The following DIAPH3 variants were observed in gnomAD, a reference collection of about 807,000 sequenced individuals.
DIAPH3 encodes diaphanous related formin 3, also known as protein diaphanous homolog 3.
A neutral mutation model predicts 144.3 loss-of-function variants in DIAPH3; 117 were observed. That is an observed-to-expected ratio of 0.81 (90% confidence interval 0.70 to 0.95). The LOEUF is 0.95. Ranked by LOEUF, DIAPH3 falls within the 40% of genes least tolerant of loss-of-function variation. The pLI, the probability that DIAPH3 is intolerant of heterozygous loss-of-function variation, is 0.00. For missense variants in DIAPH3, 1,421 were observed against 1,412.7 expected (o/e 1.01, Z -0.09); for synonymous variants, 519 against 488.9 (o/e 1.06, Z -0.81).
chr13:60,003,583 A>G (rs866174548), intron 9 of DIAPH3, among the ~76,000 whole-genome samples: 1 of 150,786 alleles, frequency 6.6e-6, no homozygotes, highest in African/African-American at 2.4e-5. Flanking sequence ...ATATATATAT[A>G]TTTTTTATGA....
Position 60,015,951 on chromosome 13 carries a change from T to A in DIAPH3, c.733A>T (p.Lys245Ter). 6.2e-7 allele frequency: 1 copy of A among 1,613,520 alleles called. No homozygotes were observed. Among genetic ancestry groups the A allele is most frequent in the Non-Finnish European group, 8.5e-7 (1 of 1,179,814 alleles). The change falls in exon 7 of 28, where the codon AAA becomes TAA. Residue 245 changes from lysine to a stop codon, truncating the protein, a stop_gained. Coordinates refer to ENST00000400324, the MANE Select transcript of DIAPH3 (RefSeq NM_001042517.2). LOFTEE classifies it high-confidence loss of function. ...QEKVVKKNQH[K>*]VIQCLKALMN... is the part of the protein sequence containing the mutation. ...AGGGCTTTTAGACACTGTATGACTT[T>A]ATGTTGATTTTTCTTTACAACTTTT...
intron 25 of DIAPH3, among the ~76,000 whole-genome samples, chr13:59,782,632 A>T (rs2038798265): frequency 6.6e-6 from 1 of 152,224 alleles, no homozygotes; most frequent in Non-Finnish European, 1.5e-5. Context: ...TCTTGACCTA[A>T]AGATGCTTAC....
intron 20 of DIAPH3, among the ~76,000 whole-genome samples, chr13:59,894,115 C>G (rs1029615064): frequency 1.3e-5 from 2 of 152,020 alleles, no homozygotes; most frequent in African/African-American, 2.4e-5. Flanking sequence ...GATCAAATCA[C>G]TGTGATACAT....
chr13:59,797,898 T>G (rs1013675006), intron 25 of DIAPH3, among the ~76,000 whole-genome samples: 3 of 152,222 alleles, frequency 2.0e-5, no homozygotes, highest in Non-Finnish European at 4.4e-5. Context: ...GTTTTTATTT[T>G]CCTCTATGAA....
chr13:59,799,404 C>T (rs2039786257), intron 25 of DIAPH3, among the ~76,000 whole-genome samples: 1 of 151,836 alleles, frequency 6.6e-6, no homozygotes, highest in Non-Finnish European at 1.5e-5. Flanking sequence ...CACACACACA[C>T]ACACACACAC....
chr13:60,108,606 G>GA (rs1370031265), intron 3 of DIAPH3, among the ~76,000 whole-genome samples: 2 of 149,134 alleles, frequency 1.3e-5, no homozygotes, highest in Non-Finnish European at 3.0e-5. Flanking sequence ...ACTCCGTCTC[G>GA]AAAAAAAAAT....
intron 21 of DIAPH3, among the ~76,000 whole-genome samples, chr13:59,878,753 T>C (rs1049373526): frequency 2.0e-5 from 3 of 152,276 alleles, no homozygotes; most frequent in African/African-American, 7.2e-5. Context: ...GTTGCATATA[T>C]TTCCAATATA....
chr13:60,112,619 G>C (rs189560941), intron 2 of DIAPH3, among the ~76,000 whole-genome samples: 4 of 152,248 alleles, frequency 2.6e-5, no homozygotes, highest in East Asian at 1.9e-4. Flanking sequence ...CTCTCGGAGT[G>C]GGGGTGGGAG....
intron 19 of DIAPH3, among the ~76,000 whole-genome samples, chr13:59,914,220 T>C (rs142077273): frequency 0.011 from 1,660 of 152,192 alleles, 15 homozygotes; most frequent in Middle Eastern, 0.017. Context: ...ACCAAAATCA[T>C]GATTATTACA....
chr13:60,061,212 C>T (rs985352116), intron 4 of DIAPH3, among the ~76,000 whole-genome samples: 2 of 151,994 alleles, frequency 1.3e-5, no homozygotes, highest in Admixed American at 1.3e-4. Flanking sequence ...GGTGGAAGAG[C>T]TGGTGTGTTT....
At chr13:60,107,850 A>C (rs1007199029) in intron 3 of DIAPH3, among the ~76,000 whole-genome samples, 2 of 152,202 alleles carry the variant, frequency 1.3e-5, no homozygotes, top group African/African-American at 4.8e-5. Context: ...TTTTGGTATC[A>C]TTGGAACTCA....
At chr13:59,672,357 G>A (rs1034219319) in intron 27 of DIAPH3, among the ~76,000 whole-genome samples, 11 of 152,218 alleles carry the variant, frequency 7.2e-5, no homozygotes, top group African/African-American at 2.2e-4. Context: ...ATGGTGAGTT[G>A]TGGCAGCCTT....
At chr13:60,159,831 C>T (rs555993491) in intron 1 of DIAPH3, among the ~76,000 whole-genome samples, 8 of 152,218 alleles carry the variant, frequency 5.3e-5, no homozygotes, top group South Asian at 2.1e-4. Context: ...ATAATTACAA[C>T]GCACCTAGAA....
intron 4 of DIAPH3, among the ~76,000 whole-genome samples, chr13:60,071,491 T>G (rs548061667): frequency 6.6e-6 from 1 of 152,334 alleles, no homozygotes; most frequent in Admixed American, 6.5e-5. Context: ...AAACAGAATT[T>G]AAGAACCATT....
At chr13:59,822,718 G>A (rs1039845121) in intron 24 of DIAPH3, among the ~76,000 whole-genome samples, 5 of 152,090 alleles carry the variant, frequency 3.3e-5, no homozygotes, top group Non-Finnish European at 7.3e-5. Flanking sequence ...TGGGATTACA[G>A]GCCTGAGCCA....
intron 20 of DIAPH3, among the ~76,000 whole-genome samples, chr13:59,892,132 C>A (rs1335621317): frequency 1.3e-5 from 2 of 151,706 alleles, no homozygotes; most frequent in Admixed American, 6.6e-5. Context: ...CAAATCAGAT[C>A]ATTTTAAACA....
intron 17 of DIAPH3, among the ~76,000 whole-genome samples, chr13:59,927,098 T>G (rs1024065693): frequency 1.3e-5 from 2 of 152,106 alleles, no homozygotes; most frequent in Non-Finnish European, 2.9e-5. Context: ...TTTATCTCTT[T>G]TTGACAAAGT....
intron 4 of DIAPH3, among the ~76,000 whole-genome samples, chr13:60,087,826 T>C (rs2057799400): frequency 6.6e-6 from 1 of 151,844 alleles, no homozygotes; most frequent in African/African-American, 2.4e-5. Context: ...GAATGGATGT[T>C]CTAATTAAGA....
intron 17 of DIAPH3, among the ~76,000 whole-genome samples, chr13:59,946,186 T>A (rs2140412234): frequency 6.6e-6 from 1 of 152,320 alleles, no homozygotes; most frequent in Non-Finnish European, 1.5e-5. Context: ...AACTTTACAA[T>A]CCTATGATGA....
Sources: gnomAD v4.1 joint callset for allele counts (sites outside exome capture counted in the v4.1 genomes callset) on GRCh38, gnomAD v4.1.1 for gene constraint, MANE v1.5 for transcripts, NCBI Gene and HGNC (gene_info 2026-07-23, HGNC 2026-07-21) for gene names.